TAFA2: variants seen among roughly 807,000 people sequenced by gnomAD.
The protein encoded by TAFA2 is chemokine-like protein TAFA-2.
Under a neutral mutation model 18.8 loss-of-function variants are expected in TAFA2, and 7 were observed. That is an observed-to-expected ratio of 0.37 (90% CI 0.21 to 0.70). The LOEUF (loss-of-function observed/expected upper bound fraction) is 0.70. Ranked by LOEUF, TAFA2 falls within the 30% of genes least tolerant of loss-of-function variation. TAFA2 has a pLI of 0.53. For missense variants in TAFA2, 122 were observed against 158.1 expected (o/e 0.77, Z 1.23); for synonymous variants, 60 against 54.2 (o/e 1.11, Z -0.47).
intron 1 of TAFA2, among the ~76,000 whole-genome samples, chr12:61,928,479 C>A (rs1877405667): frequency 6.6e-6 from 1 of 152,104 alleles, no homozygotes; most frequent in South Asian, 2.1e-4. Context: ...CCATCTCATG[C>A]CAGTTAGAAT....
At chr12:61,851,653 T>C (rs377535239) in intron 2 of TAFA2, among the ~76,000 whole-genome samples, 2 of 151,172 alleles carry the variant, frequency 1.3e-5, no homozygotes, top group African/African-American at 4.8e-5. Context: ...CGGGGGCCTA[T>C]AGTCCCAGCA....
At chr12:61,829,720 TAA>T (rs1273624592) in intron 2 of TAFA2, among the ~76,000 whole-genome samples, 1 of 151,594 alleles carries the variant, frequency 6.6e-6, no homozygotes, top group Non-Finnish European at 1.5e-5. Context: ...AAATAGTAAT[TAA>T]GTTAGAATAA....
At chr12:61,746,204 GT>G (rs1868701599) in intron 4 of TAFA2, among the ~76,000 whole-genome samples, 1 of 152,020 alleles carries the variant, frequency 6.6e-6, no homozygotes, top group Non-Finnish European at 1.5e-5. Context: ...AGATCTGATG[GT>G]TTTATAAGCA....
At chr12:61,974,795 G>T (rs1879370937) in intron 1 of TAFA2, among the ~76,000 whole-genome samples, 1 of 151,732 alleles carries the variant, frequency 6.6e-6, no homozygotes, top group Non-Finnish European at 1.5e-5. Context: ...ACAAAAAGGA[G>T]GGGGAAGAGT....
intron 1 of TAFA2, among the ~76,000 whole-genome samples, chr12:62,248,164 G>A (rs1240679877): frequency 6.6e-6 from 1 of 152,230 alleles, no homozygotes; most frequent in East Asian, 1.9e-4. Flanking sequence ...CACATGAGCT[G>A]AAGAGGCCAG....
chr12:61,779,518 C>T (rs1194697468), intron 2 of TAFA2, among the ~76,000 whole-genome samples: 1 of 151,814 alleles, frequency 6.6e-6, no homozygotes, highest in Non-Finnish European at 1.5e-5. Context: ...ACCACCACAG[C>T]CTATGCTCAC....
intron 1 of TAFA2, among the ~76,000 whole-genome samples, chr12:62,038,092 G>A (rs989804401): frequency 3.3e-5 from 5 of 152,048 alleles, no homozygotes; most frequent in Admixed American, 6.6e-5. Flanking sequence ...GGTTACCAGC[G>A]GCAGGGTGGA....
chr12:62,229,095 A>C (rs550528772), intron 1 of TAFA2, among the ~76,000 whole-genome samples: 15 of 151,844 alleles, frequency 9.9e-5, no homozygotes, highest in Admixed American at 5.2e-4. Flanking sequence ...TTCATTTATC[A>C]GTTCTAACAA....
intron 2 of TAFA2, among the ~76,000 whole-genome samples, chr12:61,832,387 C>G (rs985902147): frequency 1.3e-5 from 2 of 151,950 alleles, no homozygotes; most frequent in African/African-American, 2.4e-5. Flanking sequence ...GTCCATACTC[C>G]CAGCTGAACC....
At chr12:61,896,947 ATATCT>A (rs1312120348) in intron 1 of TAFA2, among the ~76,000 whole-genome samples, 1 of 152,188 alleles carries the variant, frequency 6.6e-6, no homozygotes, top group Non-Finnish European at 1.5e-5. Flanking sequence ...AATCTAGATA[ATATCT>A]TATCTCTATT....
At chr12:62,074,107 A>C (rs1882701027) in intron 1 of TAFA2, among the ~76,000 whole-genome samples, 1 of 152,246 alleles carries the variant, frequency 6.6e-6, no homozygotes, top group African/African-American at 2.4e-5. Context: ...CTTATGCAGC[A>C]CAGTCATTTA....
At chr12:62,232,631 C>T (rs1267198316) in intron 1 of TAFA2, among the ~76,000 whole-genome samples, 5 of 152,182 alleles carry the variant, frequency 3.3e-5, no homozygotes, top group East Asian at 1.9e-4. Flanking sequence ...CCCATCTCAG[C>T]CCCCCGAGTA....
chr12:61,821,128 TACACAC>T (rs3034059), intron 2 of TAFA2, among the ~76,000 whole-genome samples: 40,261 of 146,452 alleles, frequency 0.27, 5,850 homozygotes, highest in South Asian at 0.35. Context: ...TTGATAGGGG[TACACAC>T]ACACACACAC....
At chr12:61,859,756 C>T (rs1233774676) in intron 2 of TAFA2, among the ~76,000 whole-genome samples, 1 of 152,094 alleles carries the variant, frequency 6.6e-6, no homozygotes, top group Non-Finnish European at 1.5e-5. Context: ...AAAAGCAATA[C>T]TCTATTGTTC....
intron 1 of TAFA2, among the ~76,000 whole-genome samples, chr12:62,171,486 G>T (rs1185901326): frequency 6.6e-6 from 1 of 152,258 alleles, no homozygotes; most frequent in Non-Finnish European, 1.5e-5. Context: ...TTTATGTGTT[G>T]GGGTCCTGGC....
intron 1 of TAFA2, among the ~76,000 whole-genome samples, chr12:62,003,792 A>C (rs540607027): frequency 2.2e-4 from 34 of 152,366 alleles, no homozygotes; most frequent in Middle Eastern, 3.4e-3. Flanking sequence ...ATAGATGTAC[A>C]ATAAATATGT....
At chr12:61,886,753 C>T (rs1164358757) in intron 1 of TAFA2, among the ~76,000 whole-genome samples, 1 of 152,194 alleles carries the variant, frequency 6.6e-6, no homozygotes, top group Non-Finnish European at 1.5e-5. Context: ...TTACCTCTTA[C>T]AGGCACTTAA....
At chr12:61,751,113 T>G (rs955826083) in intron 4 of TAFA2, among the ~76,000 whole-genome samples, 1 of 152,122 alleles carries the variant, frequency 6.6e-6, no homozygotes, top group African/African-American at 2.4e-5. Context: ...ACATTTCCTC[T>G]ATCCAACACT....
At chr12:61,961,041 C>A (rs753814488) in intron 1 of TAFA2, among the ~76,000 whole-genome samples, 2 of 151,892 alleles carry the variant, frequency 1.3e-5, no homozygotes, top group Non-Finnish European at 2.9e-5. Context: ...CCATTACCTT[C>A]CGCCATGATT....
Sources: gnomAD v4.1 joint callset for allele counts (sites outside exome capture counted in the v4.1 genomes callset) on GRCh38, gnomAD v4.1.1 for gene constraint, MANE v1.5 for transcripts, NCBI Gene and HGNC (gene_info 2026-07-23, HGNC 2026-07-21) for gene names.